The following ADGRD1 variants were observed in gnomAD, a reference collection of about 807,000 sequenced individuals.
ADGRD1 encodes the protein adhesion G protein-coupled receptor D1, also known as G-protein coupled receptor 133.
Under a neutral mutation model 113.4 loss-of-function variants are expected in ADGRD1, and 77 were observed. That is an observed-to-expected ratio of 0.68 (90% confidence interval 0.57 to 0.82). The LOEUF (loss-of-function observed/expected upper bound fraction) is 0.82, where lower values mean the gene tolerates loss of function less well. ADGRD1 is among the 40% of genes least tolerant of loss of function. The pLI is 0.00. For missense variants in ADGRD1, 1,036 were observed against 1,139.1 expected, an observed-to-expected ratio of 0.91 and a Z score of 1.30; for synonymous variants, 474 against 475.0, an observed-to-expected ratio of 1.00 and a Z score of 0.03.
At chr12:130,978,995 C>CG (rs1442987320) in intron 4 of ADGRD1, among the ~76,000 whole-genome samples, 1 of 150,496 alleles carries the variant, frequency 6.6e-6, no homozygotes, top group African/African-American at 2.4e-5. Context: ...GCGGGAGGCT[C>CG]GGGGGGTTGT....
chr12:131,106,717 G>A (rs370918937), intron 17 of ADGRD1, among the ~76,000 whole-genome samples: 15 of 152,306 alleles, frequency 9.8e-5, no homozygotes, highest in African/African-American at 3.4e-4. Flanking sequence ...TCCTGGGGCT[G>A]CTGCCTATGG....
At chr12:130,957,245 C>G (rs1869737419) in intron 2 of ADGRD1, 1 of 150,108 alleles carries the variant, frequency 6.7e-6, no homozygotes, top group South Asian at 2.1e-4. Flanking sequence ...CACACAGTCA[C>G]AGACTACACA....
At chr12:131,064,745 A>T (rs2137103092) in intron 13 of ADGRD1, among the ~76,000 whole-genome samples, 1 of 152,342 alleles carries the variant, frequency 6.6e-6, no homozygotes, top group African/African-American at 2.4e-5. Flanking sequence ...AAGTGAGTTT[A>T]TCTTAATTCA....
Position 131,136,169 on chromosome 12 carries a change from A to T in ADGRD1, c.2394+6A>T. The T allele has an allele frequency of 6.2e-7, 1 of 1,613,840 alleles. No homozygotes were observed. Among genetic ancestry groups the T allele is most frequent in the Non-Finnish European group, 8.5e-7 (1 of 1,179,922 alleles). ...CCACGCTCAACTCCCTGCAGGTGAG[A>T]GCCGCGGGGACTGGCGGGGAGGCAG... On this transcript the variant is annotated splice_donor_region_variant and intron_variant, in intron 22 of 24. Coordinates refer to ENST00000261654, the MANE Select transcript of ADGRD1 (RefSeq NM_198827.5).
chr12:130,980,366 A>G (rs1196188336), intron 4 of ADGRD1, among the ~76,000 whole-genome samples: 1 of 151,076 alleles, frequency 6.6e-6, no homozygotes, highest in Non-Finnish European at 1.5e-5. Flanking sequence ...GGCCTCCCTA[A>G]GTGCTGGGAT....
At position 130,971,539 on chromosome 12, in the gene ADGRD1, A is replaced by G. The variant is rs1297512673; in HGVS notation, c.269A>G (p.Asn90Ser). Residue 90 changes from asparagine (N) to serine (S), a missense_variant, in exon 4 of 25, where the codon AAC becomes AGC. Asn to Ser is a conservative substitution (Grantham distance 46). Coordinates refer to ENST00000261654, the MANE Select transcript of ADGRD1 (RefSeq NM_198827.5). This position sits in a 1 kb window ranked among gnomAD's most constrained non-coding sequence, Gnocchi z 4.2. ...ACGCTTCTCTATTACGGCAGGTACAACAGCTCCTGCATCAGCAAGCCAGAG... is the reference window on the plus strand; with the variant it reads ...ACGCTTCTCTATTACGGCAGGTACAGCAGCTCCTGCATCAGCAAGCCAGAG... ...GVTLLYYGRYNSSCISKPEQC... is the reference protein window; with the variant it reads ...GVTLLYYGRYSSSCISKPEQC... 1 of 1,613,372 alleles carries G rather than the reference A, an allele frequency of 6.2e-7. No homozygotes were observed. The highest frequency in any genetic ancestry group is 2.2e-5 in the East Asian group (1 of 44,848).
intron 3 of ADGRD1, chr12:130,969,181 A>G: frequency 1.5e-6 from 1 of 678,204 alleles, no homozygotes; most frequent in South Asian, 1.7e-5. Context: ...CTTGGCTAGC[A>G]AGTGAGCAAA....
At chr12:131,016,763 C>T (rs577376625) in intron 13 of ADGRD1, among the ~76,000 whole-genome samples, 32 of 152,242 alleles carry the variant, frequency 2.1e-4, no homozygotes, top group African/African-American at 7.2e-4. Context: ...CATGGTGGCC[C>T]GAGCCTGTAA....
chr12:130,954,671 T>G lies in ADGRD1; in HGVS notation c.103+11T>G. ...CGCAGGACCATCCAGGTAAGAGTGTTTCCTTCTCACTCTGAGCACCGCTCT... is the reference window on the plus strand; with the variant it reads ...CGCAGGACCATCCAGGTAAGAGTGTGTCCTTCTCACTCTGAGCACCGCTCT... On this transcript the variant is annotated intron_variant, in intron 2 of 24. Transcript: ENST00000261654. This position sits in a 1 kb window ranked among gnomAD's most constrained non-coding sequence, Gnocchi z 4.7. The G allele has an allele frequency of 1.2e-6, 2 of 1,611,148 alleles. No homozygotes were observed. The highest frequency in any genetic ancestry group is 2.2e-5 in the South Asian group (2 of 90,970).
At chr12:131,092,879 TTTC>T (rs1296513707) in intron 15 of ADGRD1, among the ~76,000 whole-genome samples, 6 of 141,508 alleles carry the variant, frequency 4.2e-5, no homozygotes, top group Non-Finnish European at 6.3e-5. Context: ...AAATTTGGGA[TTTC>T]TTTTTTTTTT....
At chr12:131,132,926 A>G (rs538817015) in intron 21 of ADGRD1, among the ~76,000 whole-genome samples, 1 of 152,200 alleles carries the variant, frequency 6.6e-6, no homozygotes, top group African/African-American at 2.4e-5. Context: ...AGTGGCAAAT[A>G]TGTCAGCAGC....
At chr12:131,089,360 C>T (rs1056237493) in intron 15 of ADGRD1, among the ~76,000 whole-genome samples, 8 of 152,224 alleles carry the variant, frequency 5.3e-5, no homozygotes, top group Non-Finnish European at 1.0e-4. Context: ...GAACGTCTTC[C>T]TTCATGCACA....
chr12:131,080,060 TTTAGG>T (rs1339796127), intron 14 of ADGRD1, among the ~76,000 whole-genome samples: 1 of 152,188 alleles, frequency 6.6e-6, no homozygotes, highest in Non-Finnish European at 1.5e-5. Flanking sequence ...AAAATGTAGG[TTTAGG>T]TTATTACTAT....
chr12:131,136,696 C>T (rs572496120), intron 22 of ADGRD1, among the ~76,000 whole-genome samples: 2 of 152,372 alleles, frequency 1.3e-5, no homozygotes, highest in South Asian at 4.1e-4. Context: ...AGTGCCTGCC[C>T]TTGCCCACGC....
At chr12:131,108,014 T>C (rs1266496859) in intron 17 of ADGRD1, among the ~76,000 whole-genome samples, 1 of 151,822 alleles carries the variant, frequency 6.6e-6, no homozygotes, top group Non-Finnish European at 1.5e-5. Flanking sequence ...AGCAGAGGAG[T>C]GGAGCCCCAG....
chr12:131,118,554 G>T (rs1950520026), intron 19 of ADGRD1, 103 bp downstream of exon 19: 4 of 825,028 alleles, frequency 4.8e-6, no homozygotes, highest in South Asian at 1.8e-5. Flanking sequence ...GGGTGCAGGG[G>T]TGCTGTGCAA....
chr12:131,092,490 A>C (rs1886976479), intron 15 of ADGRD1, among the ~76,000 whole-genome samples: 1 of 152,154 alleles, frequency 6.6e-6, no homozygotes, highest in East Asian at 1.9e-4. Flanking sequence ...GTGGTCGAGG[A>C]GCGTGTGGGA....
intron 13 of ADGRD1, among the ~76,000 whole-genome samples, chr12:131,044,909 C>T (rs948655810): frequency 2.0e-5 from 3 of 152,270 alleles, no homozygotes; most frequent in East Asian, 1.9e-4. Context: ...GGCTGCGCCG[C>T]GGTTCGTGTG....
In ADGRD1 at chr12:130,997,093, G is replaced by A. The variant is rs1165344298; in HGVS notation, c.967-3290G>A. On this transcript the variant is annotated intron_variant, in intron 8 of 24. Transcript: ENST00000261654. ...TTCCCAGTAGGGGCGGCCGGGCAGAGGCACCCCTCACCTCCTGGACGGGGC... is the reference window on the plus strand; with the variant it reads ...TTCCCAGTAGGGGCGGCCGGGCAGAAGCACCCCTCACCTCCTGGACGGGGC... 1.2e-4 allele frequency among the ~76,000 whole-genome samples: 16 copies of A among 131,280 alleles called. 1 individual carries two copies. Among genetic ancestry groups the A allele is most frequent in the African/African-American group, 4.6e-4 (16 of 34,798 alleles). 86.1% of individuals were successfully genotyped at this position (131,280 alleles called of 152,430 possible). A position where few individuals can be genotyped will look rare whatever the true frequency, so the allele number is the denominator to read the frequency against.
Sources: gnomAD v4.1 joint callset for allele counts (sites outside exome capture counted in the v4.1 genomes callset) on GRCh38, gnomAD v4.1.1 for gene constraint, Gnocchi (gnomAD v3.1) non-coding constraint, MANE v1.5 for transcripts, NCBI Gene and HGNC (gene_info 2026-07-23, HGNC 2026-07-21) for gene names.